Variants in DTX1 observed in about 807,000 individuals in gnomAD.
DTX1 encodes E3 ubiquitin-protein ligase DTX1.
DTX1 carries 26 observed loss-of-function variants against 57.8 expected under a neutral mutation model. The observed-to-expected ratio is 0.45, with a 90% CI of 0.33 to 0.62. DTX1 has a LOEUF of 0.62. Ranked by LOEUF, DTX1 falls within the 20% of genes least tolerant of loss-of-function variation. DTX1 has a pLI of 0.02. For missense variants in DTX1, 704 were observed against 895.3 expected, an observed-to-expected ratio of 0.79 and a Z score of 2.73; for synonymous variants, 398 against 394.1, an observed-to-expected ratio of 1.01 and a Z score of -0.12.
At chr12:113,061,089 A>G (rs2044660493) in intron 2 of DTX1, among the ~76,000 whole-genome samples, 1 of 152,048 alleles carries the variant, frequency 6.6e-6, no homozygotes, top group African/African-American at 2.4e-5. Flanking sequence ...CATTCTCTCA[A>G]TAGTACCCCT....
intron 2 of DTX1, among the ~76,000 whole-genome samples, chr12:113,064,425 G>T (rs12300335): frequency 0.024 from 3,625 of 152,286 alleles, 128 homozygotes; most frequent in African/African-American, 0.079. Flanking sequence ...TCAGTACCAG[G>T]TCCTGGGCTG....
At position 113,064,073 on chromosome 12, in the gene DTX1, A is replaced by AGGG. The variant is rs533957689; in HGVS notation, c.259+5623_259+5625dup. Among the ~76,000 whole-genome samples the AGGG allele has an allele frequency of 1.5e-4, 23 of 152,294 alleles. No homozygotes were observed. In the South Asian group the frequency reaches 4.6e-3, roughly 30 times the overall value. On this transcript the variant is annotated intron_variant, in intron 2 of 9. Transcript: ENST00000548759. ...GAGAGCGCTCTTGGGGCTTGTTGTC[A>AGGG]GGGTCTAGCCCAAGGCAGGGACAGC...
rs77377337 is a variant in DTX1 at position 113,074,458 on chromosome 12, C to T, written c.260-2966C>T. On this transcript the variant is annotated intron_variant, in intron 2 of 9. Coordinates refer to ENST00000548759, the MANE Select transcript of DTX1 (RefSeq NM_004416.3). ...GACAGTGCCTGGTGTATTTGAGGAA[C>T]AGCAAGGAGGCCAGGGTGGCTGGAA... Among the ~76,000 whole-genome samples the T allele has an allele frequency of 6.7e-3, 1,015 of 152,254 alleles. 36 individuals are homozygous for T. The highest frequency in any genetic ancestry group is 0.047 in the East Asian group (243 of 5,168).
At position 113,089,888 on chromosome 12, in the gene DTX1, C is replaced by T. The variant is rs1950233824; in HGVS notation, c.942-3274C>T. On this transcript the variant is annotated intron_variant, in intron 3 of 9. Coordinates refer to ENST00000548759, the MANE Select transcript of DTX1 (RefSeq NM_004416.3). ...TCCTGGAGTACCCTCTGTCTAACTC[C>T]TAGACCAAACACTCAGCAAGAGCAG... The T allele has an allele frequency of 1.3e-5, 2 of 152,220 alleles. 1 individual carries two copies. Among genetic ancestry groups the T allele is most frequent in the South Asian group, 4.1e-4 (2 of 4,828 alleles). The allele number at this position is 152,220 out of a possible 1,614,324, so 9.4% of individuals were successfully genotyped here. A position where few individuals can be genotyped will look rare whatever the true frequency, so the allele number is the denominator to read the frequency against.
chr12:113,076,392 A>G (rs2044772309), intron 2 of DTX1, among the ~76,000 whole-genome samples: 2 of 149,632 alleles, frequency 1.3e-5, no homozygotes, highest in East Asian at 2.0e-4. Flanking sequence ...CTGGAGGCGG[A>G]GATTGCATTG....
chr12:113,060,301 G>A (rs577899807), intron 2 of DTX1, among the ~76,000 whole-genome samples: 23 of 152,234 alleles, frequency 1.5e-4, no homozygotes, highest in Middle Eastern at 3.4e-3. Context: ...GTCATCAGTC[G>A]AGGTCTTGTG....
At position 113,077,434 on chromosome 12, in the gene DTX1, G is replaced by T; in HGVS notation, c.270G>T (p.Arg90=). ...CCATTTCGAGTACAGGCACCATGCG[G>T]CCCGTGCGGCGCAACTTCTACGACC... ...HQFRQDTGTM[R]PVRRNFYDPS... is the part of the protein sequence containing the mutation. The change falls in exon 3 of 10, where the codon CGG becomes CGT. Residue 90 remains arginine (R), a synonymous_variant. Transcript: ENST00000548759. The surrounding 1 kb of genome is among the most constrained non-coding windows in gnomAD (Gnocchi z 7.8). 1 of 1,606,882 alleles carries T rather than the reference G, an allele frequency of 6.2e-7. No homozygotes were observed. Among genetic ancestry groups the T allele is most frequent in the Non-Finnish European group, 8.5e-7 (1 of 1,178,722 alleles).
Position 113,077,797 on chromosome 12 carries a change from G to C in DTX1, c.633G>C (p.Thr211=), listed in dbSNP as rs1048236253. ...AGCAGTGCCTGCTGGTCAACAGCAC[G>C]CGCGCCGCCTCCAACGCCATCCTGG... The part of the protein sequence containing the change: ...SCQQCLLVNS[T]RAASNAILAS... Residue 211 remains threonine (T), a synonymous_variant, in exon 3 of 10, where the codon ACG becomes ACC. Coordinates refer to ENST00000548759, the MANE Select transcript of DTX1 (RefSeq NM_004416.3). The surrounding 1 kb of genome is among the most constrained non-coding windows in gnomAD (Gnocchi z 7.8). 22 of 1,504,372 alleles carry C rather than the reference G, an allele frequency of 1.5e-5. No homozygotes were observed. The highest frequency in any genetic ancestry group is 1.9e-4 in the Middle Eastern group (1 of 5,224). The allele number at this position is 1,504,372 out of a possible 1,614,324, so 93.2% of individuals were successfully genotyped here.
Position 113,058,263 on chromosome 12 carries a change from G to A in DTX1, c.71G>A (p.Arg24Gln), listed in dbSNP as rs2044643399. The A allele has an allele frequency of 1.2e-6, 2 of 1,613,602 alleles. No individual in the cohort carries two copies. Among genetic ancestry groups the A allele is most frequent in the Admixed American group, 1.7e-5 (1 of 60,000 alleles). ...GLGFPPQNVA[R>Q]VVVWEWLNEH... The stretch of plus-strand genomic sequence containing the variant: ...GGCTTCCCACCGCAGAACGTGGCCC[G>A]GGTGGTGGTGTGGGAGTGGCTGAAT... The change falls in exon 2 of 10, where the codon CGG becomes CAG. Residue 24 changes from arginine to glutamine, a missense_variant. Coordinates refer to ENST00000548759, the MANE Select transcript of DTX1 (RefSeq NM_004416.3).
intron 1 of DTX1, among the ~76,000 whole-genome samples, chr12:113,057,145 G>A (rs570436051): frequency 6.6e-6 from 1 of 152,058 alleles, no homozygotes; most frequent in African/African-American, 2.4e-5. Context: ...GCATCCCCGT[G>A]CTTCCCGGCG....
At position 113,058,538 on chromosome 12, in the gene DTX1, C is replaced by A. The variant is rs944988358; in HGVS notation, c.259+87C>A. On this transcript the variant is annotated intron_variant, in intron 2 of 9. Transcript: ENST00000548759. Reference sequence around the variant, plus strand: ...GATGCTGAAAATCCCAGTAAATCTGCTGATGCCAAATCCCTTCCCCATCTC... The same window carrying A: ...GATGCTGAAAATCCCAGTAAATCTGATGATGCCAAATCCCTTCCCCATCTC... The A allele has an allele frequency of 3.9e-6, 6 of 1,523,686 alleles. No individual in the cohort carries two copies. In the African/African-American group the frequency reaches 8.2e-5, roughly 21 times the overall value. The allele number at this position is 1,523,686 out of a possible 1,614,324, so 94.4% of individuals were successfully genotyped here.
chr12:113,094,116 G>T lies in DTX1; in HGVS notation c.1227+17G>T. ...CCTGATGAGGTGAGGAGGGGATGGG[G>T]GGGCTGGGGGAGGGCCCTGGCATGG... On this transcript the variant is annotated intron_variant, in intron 6 of 9. Coordinates refer to ENST00000548759, the MANE Select transcript of DTX1 (RefSeq NM_004416.3). The T allele has an allele frequency of 6.7e-7, 1 of 1,492,612 alleles. No individual in the cohort carries two copies. 92.5% of individuals were successfully genotyped at this position (1,492,612 alleles called of 1,614,324 possible).
At chr12:113,080,974 C>A (rs1225213824) in intron 3 of DTX1, among the ~76,000 whole-genome samples, 121 of 141,572 alleles carry the variant, frequency 8.5e-4, no homozygotes, top group Middle Eastern at 3.6e-3. Flanking sequence ...GACACTGTCT[C>A]AAAAAAAAAA....
chr12:113,097,030 G>A lies in DTX1; in HGVS notation c.*91G>A. ...TGTGTCCTGGTAGCCCAGGTTCAGG[G>A]CTGGGGAGGAGCCTGCGGAAGGGGC... On this transcript the variant is annotated 3_prime_UTR_variant, in exon 10 of 10. Coordinates refer to ENST00000548759, the MANE Select transcript of DTX1 (RefSeq NM_004416.3). 1 of 1,406,326 alleles carries A rather than the reference G, an allele frequency of 7.1e-7. No homozygotes were observed. Among genetic ancestry groups the A allele is most frequent in the Admixed American group, 2.3e-5 (1 of 43,994 alleles). 87.1% of individuals were successfully genotyped at this position (1,406,326 alleles called of 1,614,324 possible).
At position 113,097,137 on chromosome 12, in the gene DTX1, C is replaced by T. The variant is rs1044770809; in HGVS notation, c.*198C>T. The T allele has an allele frequency of 4.9e-6, 3 of 617,772 alleles. No homozygotes were observed. Among genetic ancestry groups the T allele is most frequent in the African/African-American group, 3.7e-5 (2 of 54,186 alleles). The allele number at this position is 617,772 out of a possible 1,614,324, so 38.3% of individuals were successfully genotyped here. Reference sequence around the variant, plus strand: ...CAGGCTGGCCCCGAATCATAGCTCCCTGAGAGGGCCAAGCAGAGAGTACTG... The same window carrying T: ...CAGGCTGGCCCCGAATCATAGCTCCTTGAGAGGGCCAAGCAGAGAGTACTG... On this transcript the variant is annotated 3_prime_UTR_variant, in exon 10 of 10. Transcript: ENST00000548759.
Position 113,094,111 on chromosome 12 carries a change from A to AGGGGGGGGGGGGG in DTX1, c.1227+12_1227+13insGGGGGGGGGGGGG. 2 of 562,470 alleles carry AGGGGGGGGGGGGG rather than the reference A, an allele frequency of 3.6e-6. No homozygotes were observed. Among genetic ancestry groups the AGGGGGGGGGGGGG allele is most frequent in the Admixed American group, 5.3e-5 (2 of 37,428 alleles). The allele number at this position is 562,470 out of a possible 1,614,324, so 34.8% of individuals were successfully genotyped here. A position where few individuals can be genotyped will look rare whatever the true frequency, so the allele number is the denominator to read the frequency against. On this transcript the variant is annotated intron_variant, in intron 6 of 9. Coordinates refer to ENST00000548759, the MANE Select transcript of DTX1 (RefSeq NM_004416.3). Reference sequence around the variant, plus strand: ...ACCCACCTGATGAGGTGAGGAGGGGATGGGGGGGCTGGGGGAGGGCCCTGG... The same window carrying AGGGGGGGGGGGGG: ...ACCCACCTGATGAGGTGAGGAGGGGAGGGGGGGGGGGGGTGGGGGGGCTGGGGGAGGGCCCTGG...
intron 3 of DTX1, among the ~76,000 whole-genome samples, chr12:113,079,513 C>CTTTT (rs2044799906): frequency 9.7e-6 from 1 of 103,360 alleles, no homozygotes; most frequent in African/African-American, 5.1e-5. Context: ...TTGGCCACTT[C>CTTTT]TCTTTTTTTT....
Position 113,058,030 on chromosome 12 carries a change from T to C in DTX1, c.-163T>C. 8.4e-7 allele frequency: 1 copy of C among 1,191,978 alleles called. No individual in the cohort carries two copies. 73.8% of individuals were successfully genotyped at this position (1,191,978 alleles called of 1,614,324 possible). A position where few individuals can be genotyped will look rare whatever the true frequency, so the allele number is the denominator to read the frequency against. On this transcript the variant is annotated 5_prime_UTR_variant, in exon 2 of 10. Transcript: ENST00000548759. ...GCCTGGATGGCCATCCCACATTCCT[T>C]TAACGGAGGTCTCTAGGCCTCAGAG...
At chr12:113,096,236 G>T (rs1029826531) in intron 9 of DTX1, among the ~76,000 whole-genome samples, 1 of 151,190 alleles carries the variant, frequency 6.6e-6, no homozygotes, top group African/African-American at 2.4e-5. Context: ...AAGCGCAGTG[G>T]TGCACACCTG....
Sources: gnomAD v4.1 joint callset for allele counts (sites outside exome capture counted in the v4.1 genomes callset) on GRCh38, gnomAD v4.1.1 for gene constraint, Gnocchi (gnomAD v3.1) non-coding constraint, MANE v1.5 for transcripts, NCBI Gene and HGNC (gene_info 2026-07-23, HGNC 2026-07-21) for gene names.